Variants in CNTNAP2 observed in about 807,000 individuals in gnomAD.
The protein encoded by CNTNAP2 is contactin associated protein 2.
Under a neutral mutation model 155.2 loss-of-function variants are expected in CNTNAP2, and 98 were observed. The ratio of observed to expected loss-of-function variants is 0.63; its 90% confidence interval spans 0.54 to 0.75. The LOEUF (loss-of-function observed/expected upper bound fraction) is 0.75, where lower values mean the gene tolerates loss of function less well. Ranked by LOEUF, CNTNAP2 falls within the 30% of genes least tolerant of loss-of-function variation. CNTNAP2 has a pLI of 0.00. For synonymous variants in CNTNAP2, 651 were observed against 631.2 expected (o/e 1.03, Z -0.47); for missense variants, 1,727 against 1,688.1 (o/e 1.02, Z -0.40).
At chr7:147,110,892 G>C (rs541142312) in intron 5 of CNTNAP2, among the ~76,000 whole-genome samples, 1 of 152,242 alleles carries the variant, frequency 6.6e-6, no homozygotes, top group East Asian at 1.9e-4. Context: ...TTTATATCCA[G>C]TAATGGGATT....
chr7:146,180,617 T>G (rs1798536423), intron 1 of CNTNAP2, among the ~76,000 whole-genome samples: 1 of 152,186 alleles, frequency 6.6e-6, no homozygotes, highest in African/African-American at 2.4e-5. Context: ...ACCTTCATTC[T>G]TCCTCAATCA....
In CNTNAP2 at chr7:146,258,325, A is replaced by G. The variant is rs1171926875; in HGVS notation, c.97+141352A>G. On this transcript the variant is annotated intron_variant, in intron 1 of 23. Transcript: ENST00000361727. ...ATATAGTTCATGTATGTGCCTGGATACTAAGCCTCACAGCACATATTATTA... is the reference window on the plus strand; with the variant it reads ...ATATAGTTCATGTATGTGCCTGGATGCTAAGCCTCACAGCACATATTATTA... Among the ~76,000 whole-genome samples, 3 of 152,368 alleles carry G rather than the reference A, an allele frequency of 2.0e-5. No individual in the cohort carries two copies. In the South Asian group the frequency reaches 6.2e-4, roughly 32 times the overall value.
At chr7:146,248,097 G>A (rs1315667592) in intron 1 of CNTNAP2, among the ~76,000 whole-genome samples, 1 of 148,282 alleles carries the variant, frequency 6.7e-6, no homozygotes, top group African/African-American at 2.6e-5. Flanking sequence ...TGGAAATAAG[G>A]GGTCGGGGCA....
intron 15 of CNTNAP2, among the ~76,000 whole-genome samples, chr7:148,023,642 A>G (rs145954345): frequency 2.0e-3 from 312 of 152,224 alleles, no homozygotes; most frequent in African/African-American, 7.0e-3. Flanking sequence ...CTTGAGTGAG[A>G]TGTCTTGGTG....
chr7:147,581,074 A>G (rs980899761), intron 12 of CNTNAP2, among the ~76,000 whole-genome samples: 2 of 152,168 alleles, frequency 1.3e-5, no homozygotes, highest in South Asian at 4.1e-4. Context: ...TACTATTACT[A>G]TTCGCTTTTA....
chr7:147,712,473 A>G lies in CNTNAP2; in HGVS notation c.2098+73167A>G, dbSNP rs182859405. On this transcript the variant is annotated intron_variant, in intron 13 of 23. Transcript: ENST00000361727. ...TATGTTTATTGCGGCACTATTCACA[A>G]TAGCAAAGACTTGGAACCAATCCAA... Among the ~76,000 whole-genome samples, 134 of 152,308 alleles carry G rather than the reference A, an allele frequency of 8.8e-4. No individual in the cohort carries two copies. The South Asian group carries it at 0.013, about 15-fold the overall frequency.
chr7:147,257,301 G>T (rs1804353626), intron 8 of CNTNAP2, among the ~76,000 whole-genome samples: 1 of 152,180 alleles, frequency 6.6e-6, no homozygotes, highest in East Asian at 1.9e-4. Flanking sequence ...TTACACAGAA[G>T]TCTGTTGAAC....
At chr7:148,182,668 G>T (rs1295153381) in intron 18 of CNTNAP2, among the ~76,000 whole-genome samples, 1 of 152,180 alleles carries the variant, frequency 6.6e-6, no homozygotes, top group South Asian at 2.1e-4. Flanking sequence ...GGTTACAAGA[G>T]TGTTTGATTT....
chr7:146,391,735 G>C (rs939221302), intron 1 of CNTNAP2, among the ~76,000 whole-genome samples: 2 of 150,962 alleles, frequency 1.3e-5, no homozygotes, highest in African/African-American at 4.9e-5. Flanking sequence ...CTATTTCCCT[G>C]CAAAGAACAC....
At chr7:147,250,924 C>T (rs1421496079) in intron 8 of CNTNAP2, among the ~76,000 whole-genome samples, 1 of 152,120 alleles carries the variant, frequency 6.6e-6, no homozygotes, top group Non-Finnish European at 1.5e-5. Flanking sequence ...TTCTCTTGAG[C>T]TTCTCTTACC....
intron 1 of CNTNAP2, among the ~76,000 whole-genome samples, chr7:146,671,362 T>C (rs1353983980): frequency 6.6e-6 from 1 of 151,976 alleles, no homozygotes. Flanking sequence ...TCCTTTAAAC[T>C]ATTTCTCTCT....
At chr7:146,117,784 C>T in intron 1 of CNTNAP2, among the ~76,000 whole-genome samples, 1 of 152,128 alleles carries the variant, frequency 6.6e-6, no homozygotes, top group East Asian at 1.9e-4. Flanking sequence ...CCATTTTCTG[C>T]ATTCCTTTAG....
At chr7:147,213,897 CAGG>C (rs539028531) in intron 8 of CNTNAP2, among the ~76,000 whole-genome samples, 2 of 152,158 alleles carry the variant, frequency 1.3e-5, no homozygotes, top group East Asian at 3.9e-4. Flanking sequence ...TGTCCCAGGA[CAGG>C]AGAAGAGTAT....
chr7:147,110,916 G>A (rs1021810128), intron 5 of CNTNAP2, among the ~76,000 whole-genome samples: 2 of 152,138 alleles, frequency 1.3e-5, no homozygotes, highest in African/African-American at 4.8e-5. Context: ...GGGTCAAATG[G>A]TATTTCTGCC....
At chr7:146,681,939 T>G (rs1284899369) in intron 1 of CNTNAP2, among the ~76,000 whole-genome samples, 1 of 152,168 alleles carries the variant, frequency 6.6e-6, no homozygotes, top group Non-Finnish European at 1.5e-5. Flanking sequence ...TATTTCAGGT[T>G]AATGAATATT....
chr7:146,635,305 C>T (rs1312447540), intron 1 of CNTNAP2, among the ~76,000 whole-genome samples: 1 of 152,164 alleles, frequency 6.6e-6, no homozygotes, highest in Non-Finnish European at 1.5e-5. Context: ...AGCTCTCTTC[C>T]TACCTGTCTG....
intron 1 of CNTNAP2, among the ~76,000 whole-genome samples, chr7:146,467,957 G>T (rs1437542755): frequency 1.3e-5 from 2 of 151,934 alleles, no homozygotes; most frequent in Admixed American, 6.6e-5. Context: ...TATTTATTTT[G>T]GGAAAAACTT....
chr7:147,487,596 G>A (rs1415630997), intron 11 of CNTNAP2, among the ~76,000 whole-genome samples: 1 of 152,124 alleles, frequency 6.6e-6, no homozygotes, highest in Admixed American at 6.5e-5. Context: ...GAAATCGGTG[G>A]TGGTTGCAAG....
chr7:147,491,448 C>T (rs1192556691), intron 11 of CNTNAP2, among the ~76,000 whole-genome samples: 1 of 148,916 alleles, frequency 6.7e-6, no homozygotes, highest in Non-Finnish European at 1.5e-5. Context: ...AGATCAAATC[C>T]TCTTATTCTA....
Sources: allele counts gnomAD v4.1 joint callset (sites outside exome capture counted in the v4.1 genomes callset), GRCh38; gene constraint gnomAD v4.1.1; transcripts MANE v1.5; gene names NCBI Gene and HGNC (gene_info 2026-07-23, HGNC 2026-07-21).